The following ARHGEF9 variants were observed in gnomAD, a reference collection of about 807,000 sequenced individuals.
The protein encoded by ARHGEF9 is Cdc42 guanine nucleotide exchange factor 9.
In ARHGEF9, 2 loss-of-function variants were observed where a neutral mutation model predicts 41.3. The ratio of observed to expected loss-of-function variants is 0.05; its 90% CI spans 0.02 to 0.15. The LOEUF (loss-of-function observed/expected upper bound fraction) is 0.15. ARHGEF9 is among the 10% of genes least tolerant of loss of function. The pLI is 1.00. For synonymous variants in ARHGEF9, 160 were observed against 154.4 expected, an observed-to-expected ratio of 1.04 and a Z score of -0.27; for missense variants, 225 against 424.7, an observed-to-expected ratio of 0.53 and a Z score of 4.13.
intron 1 of ARHGEF9, among the ~76,000 whole-genome samples, chrX:63,774,311 A>G (rs1459334364): frequency 9.0e-6 from 1 of 111,301 alleles, no homozygotes; most frequent in Non-Finnish European, 1.9e-5. Flanking sequence ...AACTTCTACA[A>G]CAGACATTCA....
At chrX:63,648,525 G>C (rs1175489295) in intron 8 of ARHGEF9, among the ~76,000 whole-genome samples, 2 of 111,452 alleles carry the variant, frequency 1.8e-5, no homozygotes, top group Non-Finnish European at 3.8e-5. Context: ...ATCGAGGCTA[G>C]GAAGAAACTG....
chrX:63,731,861 C>T (rs782253454), intron 1 of ARHGEF9: 2 of 111,109 alleles, frequency 1.8e-5, no homozygotes, highest in Admixed American at 1.9e-4. Flanking sequence ...GCACCCAGCC[C>T]GTCTCAGTTT....
chrX:63,642,410 G>T (rs1556307243), intron 9 of ARHGEF9: 2 of 111,952 alleles, frequency 1.8e-5, no homozygotes, highest in East Asian at 5.6e-4. Context: ...AAAAGGTTAG[G>T]AGTTAATTCC....
chrX:63,645,725 A>T (rs1430561636), intron 8 of ARHGEF9, among the ~76,000 whole-genome samples: 2 of 111,610 alleles, frequency 1.8e-5, no homozygotes, highest in Non-Finnish European at 3.8e-5. Flanking sequence ...ATGATTTATA[A>T]CCCTTTGGGT....
At chrX:63,750,174 G>A (rs1406236226) in intron 1 of ARHGEF9, among the ~76,000 whole-genome samples, 1 of 112,113 alleles carries the variant, frequency 8.9e-6, no homozygotes, top group Non-Finnish European at 1.9e-5. Context: ...CAAGCACTCT[G>A]CAGGTCAAGG....
intron 2 of ARHGEF9, among the ~76,000 whole-genome samples, chrX:63,710,861 G>T (rs1388669954): frequency 9.1e-6 from 1 of 110,481 alleles, no homozygotes; most frequent in Non-Finnish European, 1.9e-5. Context: ...AGAAATAAAA[G>T]ACATTGCATC....
chrX:63,667,420 T>G (rs2049650588), intron 6 of ARHGEF9, among the ~76,000 whole-genome samples: 2 of 111,278 alleles, frequency 1.8e-5, no homozygotes, highest in African/African-American at 6.5e-5. Context: ...TCTCTCTAGG[T>G]GTCAGTTTTC....
chrX:63,639,902 G>T (rs2047515583), intron 9 of ARHGEF9: 1 of 111,750 alleles, frequency 8.9e-6, no homozygotes, highest in African/African-American at 3.3e-5. Context: ...AAATGTAGGA[G>T]CTAAAAAAGT....
intron 1 of ARHGEF9, among the ~76,000 whole-genome samples, chrX:63,773,860 A>G (rs2056244391): frequency 9.1e-6 from 1 of 110,063 alleles, no homozygotes; most frequent in South Asian, 3.9e-4. Context: ...TTGGACTGAA[A>G]CATCAATTTT....
chrX:63,765,747 T>C (rs1355918861), intron 1 of ARHGEF9, among the ~76,000 whole-genome samples: 1 of 112,191 alleles, frequency 8.9e-6, no homozygotes, highest in Non-Finnish European at 1.9e-5. Context: ...TTGGGATTTT[T>C]AAAAATTGTC....
Position 63,704,625 on chromosome X carries a change from C to T in ARHGEF9, c.402+1633G>A, listed in dbSNP as rs1266854324. Reference sequence around the variant, plus strand: ...AAAAAGGAGGCAAAAAAGAAAATTACCTTTTTCCAAATACAGCATAGGTTA... The same window carrying T: ...AAAAAGGAGGCAAAAAAGAAAATTATCTTTTTCCAAATACAGCATAGGTTA... On this transcript the variant is annotated intron_variant, in intron 3 of 9. Transcript: ENST00000671741. Among the ~76,000 whole-genome samples the T allele has an allele frequency of 2.7e-5, 3 of 112,305 alleles. No homozygotes were observed. The South Asian group carries it at 1.1e-3, about 41-fold the overall frequency.
At position 63,684,763 on chromosome X, in the gene ARHGEF9, G is replaced by T. The variant is rs2050876351; in HGVS notation, c.583-6191C>A. ...TATTACATATACATACAGAGACACA[G>T]AATAGAATATTATTCAGACTTTAAA... On this transcript the variant is annotated intron_variant, in intron 4 of 9. Coordinates refer to ENST00000671741, the MANE Select transcript of ARHGEF9 (RefSeq NM_001353921.2). Among the ~76,000 whole-genome samples, 3 of 109,632 alleles carry T rather than the reference G, an allele frequency of 2.7e-5. No homozygotes were observed. In the South Asian group the frequency reaches 1.2e-3, roughly 43 times the overall value.
At chrX:63,768,684 C>A (rs1238463821) in intron 1 of ARHGEF9, among the ~76,000 whole-genome samples, 3 of 111,826 alleles carry the variant, frequency 2.7e-5, no homozygotes, top group Non-Finnish European at 5.6e-5. Context: ...GTAATTAAAT[C>A]ATGGGGCAGT....
At chrX:63,663,303 A>T (rs2049331144) in intron 7 of ARHGEF9, among the ~76,000 whole-genome samples, 1 of 111,703 alleles carries the variant, frequency 9.0e-6, no homozygotes, top group Non-Finnish European at 1.9e-5. Context: ...AAGCATTTTT[A>T]AAAACTAATT....
intron 2 of ARHGEF9, among the ~76,000 whole-genome samples, chrX:63,713,296 G>A (rs1316265492): frequency 2.7e-5 from 3 of 110,649 alleles, no homozygotes; most frequent in Admixed American, 9.6e-5. Flanking sequence ...GAAATGGAAG[G>A]TGGACTAGTC....
chrX:63,735,624 C>T (rs1251719361), intron 1 of ARHGEF9, among the ~76,000 whole-genome samples: 1 of 111,497 alleles, frequency 9.0e-6, no homozygotes, highest in Admixed American at 9.5e-5. Context: ...GTGACAAGAA[C>T]AGAAACAACA....
chrX:63,718,236 T>C (rs2053429562), intron 2 of ARHGEF9, among the ~76,000 whole-genome samples: 1 of 111,452 alleles, frequency 9.0e-6, no homozygotes. Context: ...TAAATACTGG[T>C]GAGAAGATAT....
chrX:63,694,589 A>C (rs1382085443), intron 4 of ARHGEF9, among the ~76,000 whole-genome samples: 3 of 112,594 alleles, frequency 2.7e-5, no homozygotes, highest in Non-Finnish European at 1.9e-5. Context: ...AAATGAAAGA[A>C]GCTAAACATA....
At chrX:63,718,669 C>A (rs781942948) in intron 2 of ARHGEF9, among the ~76,000 whole-genome samples, 5 of 112,083 alleles carry the variant, frequency 4.5e-5, no homozygotes, top group Admixed American at 1.9e-4. Context: ...CTCTTAAATA[C>A]CATCTTCCTA....
Sources: gnomAD v4.1 joint callset for allele counts (sites outside exome capture counted in the v4.1 genomes callset) on GRCh38, gnomAD v4.1.1 for gene constraint, MANE v1.5 for transcripts, NCBI Gene and HGNC (gene_info 2026-07-23, HGNC 2026-07-21) for gene names.